Variants in PDE8B observed in about 807,000 individuals in gnomAD.
PDE8B encodes high affinity cAMP-specific and IBMX-insensitive 3',5'-cyclic phosphodiesterase 8B.
Under a neutral mutation model 101.3 loss-of-function variants are expected in PDE8B, and 26 were observed. The ratio of observed to expected loss-of-function variants is 0.26; its 90% CI spans 0.19 to 0.36. PDE8B has a LOEUF of 0.36. Ranked by LOEUF, PDE8B falls within the 10% of genes least tolerant of loss-of-function variation. The probability of loss-of-function intolerance (pLI) is 1.00; values close to 1 mark genes in which losing one functional copy is unlikely to be tolerated. For synonymous variants in PDE8B, 424 were observed against 429.3 expected (o/e 0.99, Z 0.15); for missense variants, 810 against 1,163.1 (o/e 0.70, Z 4.42).
At chr5:77,304,369 T>C (rs985368910) in intron 1 of PDE8B, among the ~76,000 whole-genome samples, 4 of 152,216 alleles carry the variant, frequency 2.6e-5, no homozygotes, top group Non-Finnish European at 4.4e-5. Flanking sequence ...CCCGGCTTTG[T>C]TTTTGGCTGT....
At chr5:77,337,853 T>G (rs1300932041) in intron 6 of PDE8B, among the ~76,000 whole-genome samples, 1 of 152,226 alleles carries the variant, frequency 6.6e-6, no homozygotes, top group African/African-American at 2.4e-5. Flanking sequence ...TCATTGGTGC[T>G]CAATTCCAGG....
chr5:77,254,226 G>T (rs186588019), intron 1 of PDE8B, among the ~76,000 whole-genome samples: 110 of 152,184 alleles, frequency 7.2e-4, no homozygotes, highest in Non-Finnish European at 1.0e-3. Context: ...TAACTCTTTA[G>T]AAATTGAGAG....
the PDE8B span, chr5:77,152,186 C>G: frequency 6.6e-6 from 1 of 152,162 alleles, no homozygotes; most frequent in Admixed American, 6.5e-5. Flanking sequence ...ATCCGTTTGG[C>G]CTCTCTTTTC....
intron 1 of PDE8B, among the ~76,000 whole-genome samples, chr5:77,284,349 C>T (rs1580784639): frequency 6.6e-6 from 1 of 152,174 alleles, no homozygotes; most frequent in Admixed American, 6.5e-5. Context: ...TTATCAATTA[C>T]TTCTTTCATG....
chr5:77,205,009 T>C, the PDE8B span, among the ~76,000 whole-genome samples: 643 of 152,320 alleles, frequency 4.2e-3, 5 homozygotes, highest in African/African-American at 0.015. Flanking sequence ...CCTAGCCTGA[T>C]TATTGGGGTC....
intron 20 of PDE8B, 134 bp from the exon 21 acceptor site, chr5:77,425,633 C>A: frequency 1.2e-6 from 1 of 864,776 alleles, no homozygotes; most frequent in Non-Finnish European, 1.9e-6. Context: ...AGTCTGAGGA[C>A]CTTGCTGAGC....
At position 77,343,644 on chromosome 5, in the gene PDE8B, A is replaced by C. The variant is rs7704000; in HGVS notation, c.798-1209A>C. 5.2e-3 allele frequency among the ~76,000 whole-genome samples: 789 copies of C among 152,296 alleles called. 6 individuals carry two copies. Among genetic ancestry groups the C allele is most frequent in the African/African-American group, 0.019 (769 of 41,566 alleles). ...TTATGTGTATAGGACTATAGACTTTATCAGCTTTGTACTCTTAGGCTACAC... is the reference window on the plus strand; with the variant it reads ...TTATGTGTATAGGACTATAGACTTTCTCAGCTTTGTACTCTTAGGCTACAC... On this transcript the variant is annotated intron_variant, in intron 6 of 21. Coordinates refer to ENST00000264917, the MANE Select transcript of PDE8B (RefSeq NM_003719.5).
chr5:77,394,222 C>T (rs533688253), intron 10 of PDE8B, among the ~76,000 whole-genome samples: 71 of 152,268 alleles, frequency 4.7e-4, no homozygotes, highest in Admixed American at 1.1e-3. Flanking sequence ...CATCATGGAA[C>T]GGCCATCCAC....
intron 2 of PDE8B, among the ~76,000 whole-genome samples, chr5:77,317,789 C>A (rs1008636305): frequency 6.6e-5 from 10 of 152,090 alleles, no homozygotes; most frequent in African/African-American, 2.4e-4. Flanking sequence ...GGCTTTCCAA[C>A]TGGACATGGA....
intron 1 of PDE8B, among the ~76,000 whole-genome samples, chr5:77,234,901 G>A (rs1420347078): frequency 1.3e-5 from 2 of 152,142 alleles, no homozygotes; most frequent in Non-Finnish European, 2.9e-5. Context: ...GACCAGTGAG[G>A]ATTAAATGAG....
chr5:77,406,090 C>T (rs1432388784), intron 12 of PDE8B, among the ~76,000 whole-genome samples: 1 of 152,032 alleles, frequency 6.6e-6, no homozygotes, highest in Admixed American at 6.6e-5. Context: ...AGTTCGAGGC[C>T]AGCCTGATCA....
the PDE8B span, among the ~76,000 whole-genome samples, chr5:77,155,275 T>A: frequency 6.6e-6 from 1 of 152,314 alleles, no homozygotes; most frequent in East Asian, 1.9e-4. Flanking sequence ...AACTACTTTT[T>A]AAAATGTAAA....
chr5:77,087,831 T>A, the PDE8B span: 3 of 153,082 alleles, frequency 2.0e-5, no homozygotes, highest in South Asian at 2.1e-4. Context: ...ATTTCTATGA[T>A]GTAAATGCTC....
rs114282208 is a variant in PDE8B, at chr5:77,272,251, A to G, written c.340-39743A>G. 3.1e-3 allele frequency among the ~76,000 whole-genome samples: 475 copies of G among 152,318 alleles called. 1 individual carries two copies. The highest frequency in any genetic ancestry group is 0.011 in the African/African-American group (455 of 41,576). ...AGAAGGTTATGATATCTATTAGTTCACAGGTTATGGCTAAACTGGTAATGA... is the reference window on the plus strand; with the variant it reads ...AGAAGGTTATGATATCTATTAGTTCGCAGGTTATGGCTAAACTGGTAATGA... On this transcript the variant is annotated intron_variant, in intron 1 of 21. Coordinates refer to ENST00000264917, the MANE Select transcript of PDE8B (RefSeq NM_003719.5).
the PDE8B span, among the ~76,000 whole-genome samples, chr5:77,155,467 A>G: frequency 1.1e-4 from 16 of 152,224 alleles, no homozygotes; most frequent in African/African-American, 3.9e-4. Flanking sequence ...ACTCATTTCT[A>G]TAAAGATCAG....
At chr5:77,282,470 T>A (rs1765203517) in intron 1 of PDE8B, among the ~76,000 whole-genome samples, 1 of 152,256 alleles carries the variant, frequency 6.6e-6, no homozygotes, top group East Asian at 2.0e-4. Context: ...TGGATTTGTT[T>A]GCTGATCCTG....
At position 77,241,875 on chromosome 5, in the gene PDE8B, A is replaced by G. The variant is rs775487135; in HGVS notation, c.339+30611A>G. Reference sequence around the variant, plus strand: ...TAAGAACAGCTGCTGTAGCTGCTATAATGCCTCTGGAAAAGATAGCAGAAA... The same window carrying G: ...TAAGAACAGCTGCTGTAGCTGCTATGATGCCTCTGGAAAAGATAGCAGAAA... On this transcript the variant is annotated intron_variant, in intron 1 of 21. Coordinates refer to ENST00000264917, the MANE Select transcript of PDE8B (RefSeq NM_003719.5). 2.6e-5 allele frequency among the ~76,000 whole-genome samples: 4 copies of G among 152,220 alleles called. 1 individual carries two copies. The highest frequency in any genetic ancestry group is 1.3e-4 in the Admixed American group (2 of 15,280).
chr5:77,318,047 C>CT (rs1267941455), intron 2 of PDE8B, among the ~76,000 whole-genome samples: 1 of 110,184 alleles, frequency 9.1e-6, no homozygotes, highest in Non-Finnish European at 1.8e-5. Context: ...CAGAGTGAGA[C>CT]TCCATCTCAA....
intron 10 of PDE8B, among the ~76,000 whole-genome samples, chr5:77,397,232 ATTTG>A (rs1791272659): frequency 1.3e-5 from 2 of 151,384 alleles, no homozygotes; most frequent in African/African-American, 4.9e-5. Flanking sequence ...GTTTCACCAT[ATTTG>A]TTAGGCTGGT....
Sources: allele counts gnomAD v4.1 joint callset (sites outside exome capture counted in the v4.1 genomes callset), GRCh38; gene constraint gnomAD v4.1.1; transcripts MANE v1.5; gene names NCBI Gene and HGNC (gene_info 2026-07-23, HGNC 2026-07-21).